The following ATP9B variants were observed in gnomAD, a reference collection of about 807,000 sequenced individuals.
ATP9B encodes probable phospholipid-transporting ATPase IIB.
In ATP9B, 110 loss-of-function variants were observed where a neutral mutation model predicts 146.1. That is an observed-to-expected ratio of 0.75 (90% CI 0.65 to 0.88). ATP9B has a LOEUF of 0.88. Ranked by LOEUF, ATP9B falls within the 40% of genes least tolerant of loss-of-function variation. The pLI is 0.00. For missense variants in ATP9B, 1,499 were observed against 1,496.4 expected, an observed-to-expected ratio of 1.00 and a Z score of -0.03; for synonymous variants, 604 against 569.7, an observed-to-expected ratio of 1.06 and a Z score of -0.86.
intron 4 of ATP9B, among the ~76,000 whole-genome samples, chr18:79,118,794 G>A (rs868592695): frequency 3.3e-5 from 5 of 151,716 alleles, no homozygotes; most frequent in African/African-American, 4.8e-5. Context: ...ATCGTTTCCC[G>A]GCTGGGTGCT....
chr18:79,337,475 GCGCGCTGCTTTTGC>G, intron 19 of ATP9B, 26 bp downstream of exon 19: 1 of 1,595,822 alleles, frequency 6.3e-7, no homozygotes, highest in Non-Finnish European at 8.5e-7. Context: ...CTCTGCTGGC[GCGCGCTGCTTTTGC>G]TGAAGCAAAC....
chr18:79,127,872 A>T (rs9948326), intron 5 of ATP9B, among the ~76,000 whole-genome samples: 58,679 of 151,764 alleles, frequency 0.39, 11,758 homozygotes, highest in East Asian at 0.52. Flanking sequence ...ACCTGTACAT[A>T]ACTCTCTGCC....
chr18:79,336,903 G>A (rs1377329884), intron 18 of ATP9B, among the ~76,000 whole-genome samples, 192 bp downstream of exon 18: 3 of 152,232 alleles, frequency 2.0e-5, no homozygotes, highest in African/African-American at 7.2e-5. Context: ...GCTTGCTGGG[G>A]AAGGAGGGTT....
chr18:79,366,760 C>T (rs2097032025), intron 26 of ATP9B, among the ~76,000 whole-genome samples: 1 of 152,194 alleles, frequency 6.6e-6, no homozygotes, highest in Non-Finnish European at 1.5e-5. Context: ...GTGCCGTCCC[C>T]CACCACGCAG....
intron 13 of ATP9B, among the ~76,000 whole-genome samples, chr18:79,284,317 C>T (rs1319161727): frequency 6.6e-6 from 1 of 152,054 alleles, no homozygotes; most frequent in Admixed American, 6.5e-5. Flanking sequence ...AATGTGTGTC[C>T]TTGGATATGA....
chr18:79,183,391 C>A (rs2095271555), intron 8 of ATP9B, among the ~76,000 whole-genome samples: 1 of 152,158 alleles, frequency 6.6e-6, no homozygotes, highest in Non-Finnish European at 1.5e-5. Flanking sequence ...GTTTTCCAAT[C>A]TGATAACTGT....
intron 11 of ATP9B, among the ~76,000 whole-genome samples, chr18:79,252,720 C>T (rs767649235): frequency 1.3e-5 from 2 of 151,824 alleles, no homozygotes; most frequent in South Asian, 2.1e-4. Flanking sequence ...TTGCATGTAG[C>T]GTGCCTTACT....
At chr18:79,178,641 T>G (rs2095211925) in intron 8 of ATP9B, among the ~76,000 whole-genome samples, 2 of 152,190 alleles carry the variant, frequency 1.3e-5, no homozygotes, top group African/African-American at 2.4e-5. Flanking sequence ...ATTTTCTCCT[T>G]TATCTATTAA....
chr18:79,331,850 C>T (rs1412877809), intron 17 of ATP9B, among the ~76,000 whole-genome samples: 6 of 152,124 alleles, frequency 3.9e-5, no homozygotes, highest in Non-Finnish European at 8.8e-5. Context: ...AGGTGATTGG[C>T]TTCCTTCCCT....
Position 79,347,926 on chromosome 18 carries a change from G to T in ATP9B, c.2838+1G>T. 6.2e-7 allele frequency: 1 copy of T among 1,612,682 alleles called. No homozygotes were observed. The highest frequency in any genetic ancestry group is 1.3e-5 in the African/African-American group (1 of 74,960). ...GGGCCTTATCATCTCCACCATGCAG[G>T]TACTAAGCCTTCTGTGCTGGCACCC... On this transcript the variant is annotated splice_donor_variant, in intron 24 of 29. Coordinates refer to ENST00000426216, the MANE Select transcript of ATP9B (RefSeq NM_198531.5). LOFTEE classifies it high-confidence loss of function.
intron 1 of ATP9B, among the ~76,000 whole-genome samples, chr18:79,073,516 C>T (rs1393386571): frequency 6.6e-6 from 1 of 152,210 alleles, no homozygotes; most frequent in Non-Finnish European, 1.5e-5. Flanking sequence ...CAATCCCAGG[C>T]ACTCGGCAGG....
chr18:79,192,244 G>A (rs1205296676), intron 8 of ATP9B, among the ~76,000 whole-genome samples: 1 of 152,066 alleles, frequency 6.6e-6, no homozygotes, highest in Non-Finnish European at 1.5e-5. Flanking sequence ...TTCTGTTTGA[G>A]TTTTAGCAGC....
intron 11 of ATP9B, among the ~76,000 whole-genome samples, chr18:79,232,482 C>T (rs2095801650): frequency 6.6e-6 from 1 of 152,200 alleles, no homozygotes; most frequent in Admixed American, 6.5e-5. Flanking sequence ...ACATTGAACA[C>T]AGACCAGCTC....
chr18:79,293,795 C>T (rs986045147), intron 13 of ATP9B, among the ~76,000 whole-genome samples: 2 of 152,078 alleles, frequency 1.3e-5, no homozygotes, highest in African/African-American at 4.8e-5. Flanking sequence ...ATAAACATAA[C>T]TCAAAAGGAA....
intron 11 of ATP9B, among the ~76,000 whole-genome samples, chr18:79,241,407 G>A (rs1163933651): frequency 1.3e-5 from 2 of 152,076 alleles, no homozygotes; most frequent in Non-Finnish European, 2.9e-5. Flanking sequence ...TAGATCCCCC[G>A]TAGTGTGAGG....
chr18:79,330,242 C>T, intron 17 of ATP9B, 138 bp downstream of exon 17: 2 of 750,290 alleles, frequency 2.7e-6, no homozygotes, highest in South Asian at 1.9e-5. Flanking sequence ...CCCCAGCTTG[C>T]AGACACTGGT....
intron 11 of ATP9B, among the ~76,000 whole-genome samples, chr18:79,240,701 G>A (rs762586431): frequency 2.6e-5 from 4 of 152,220 alleles, no homozygotes; most frequent in African/African-American, 7.2e-5. Context: ...AGCCGAGATC[G>A]TGCCATTTTA....
At chr18:79,124,913 G>A (rs1225557468) in intron 4 of ATP9B, among the ~76,000 whole-genome samples, 1 of 152,150 alleles carries the variant, frequency 6.6e-6, no homozygotes, top group South Asian at 2.1e-4. Flanking sequence ...GTGGGCTGAG[G>A]CCAGCTTTGG....
intron 9 of ATP9B, among the ~76,000 whole-genome samples, chr18:79,203,781 AC>A (rs903556947): frequency 6.6e-6 from 1 of 152,148 alleles, no homozygotes; most frequent in African/African-American, 2.4e-5. Context: ...GAACCTCTAG[AC>A]CCCCAGCAGG....
Sources: gnomAD v4.1 joint callset for allele counts (sites outside exome capture counted in the v4.1 genomes callset) on GRCh38, gnomAD v4.1.1 for gene constraint, MANE v1.5 for transcripts, NCBI Gene and HGNC (gene_info 2026-07-23, HGNC 2026-07-21) for gene names.